The following ATP2C2 variants were observed in gnomAD, a reference collection of about 807,000 sequenced individuals.
ATP2C2 encodes ATPase secretory pathway Ca2+ transporting 2, also known as calcium-transporting ATPase type 2C member 2.
A neutral mutation model predicts 110.8 loss-of-function variants in ATP2C2; 171 were observed. The ratio of observed to expected loss-of-function variants is 1.54; its 90% confidence interval spans 1.36 to 1.75. The LOEUF is 1.75. Among genes scored for constraint, ATP2C2 ranks in the 40% most tolerant of loss-of-function variants. The pLI, the probability that ATP2C2 is intolerant of heterozygous loss-of-function variation, is 0.00. For synonymous variants in ATP2C2, 804 were observed against 508.4 expected (o/e 1.58, Z -7.82); for missense variants, 1,963 against 1,235.0 (o/e 1.59, Z -8.84).
rs1567740823 is a variant in ATP2C2, at chr16:84,453,383, A to AAGGC, written c.1980+18_1980+21dup. 6.2e-7 allele frequency: 1 copy of AAGGC among 1,614,120 alleles called. No homozygotes were observed. The highest frequency in any genetic ancestry group is 1.1e-5 in the South Asian group (1 of 91,072). ...TCAAAATCATCAAGGTTCGCTGGGC[A>AAGGC]AGGCAGGCACAGGCTGCGCTGCTGG... On this transcript the variant is annotated intron_variant, in intron 20 of 26. Coordinates refer to ENST00000262429, the MANE Select transcript of ATP2C2 (RefSeq NM_014861.4).
intron 17 of ATP2C2, 75 bp from the exon 18 acceptor site, chr16:84,451,846 C>G (rs932686140): frequency 1.5e-5 from 21 of 1,416,770 alleles, no homozygotes; most frequent in African/African-American, 8.7e-5. Flanking sequence ...TAAAAAACAA[C>G]AACAACAACC....
chr16:84,422,271 G>A (rs920302245), intron 7 of ATP2C2, 119 bp from the exon 8 acceptor site: 2 of 1,230,012 alleles, frequency 1.6e-6, no homozygotes, highest in Non-Finnish European at 2.3e-6. Context: ...CACTCATTCT[G>A]TAGGTTCACT....
In ATP2C2 at chr16:84,386,856, C is replaced by G. The variant is rs181621679; in HGVS notation, c.100-11643C>G. The stretch of plus-strand genomic sequence containing the variant: ...TGGGGGTAGCTAGACCAGGCCGAGT[C>G]TGGGCCTGGTGATGCCTCCTCTACC... On this transcript the variant is annotated intron_variant, in intron 1 of 26. Transcript: ENST00000262429. Among the ~76,000 whole-genome samples, 8 of 152,294 alleles carry G rather than the reference C, an allele frequency of 5.3e-5. No individual in the cohort carries two copies. The East Asian group carries it at 1.5e-3, about 29-fold the overall frequency.
intron 11 of ATP2C2, among the ~76,000 whole-genome samples, chr16:84,438,381 C>G (rs973718898): frequency 2.6e-5 from 4 of 152,180 alleles, no homozygotes; most frequent in African/African-American, 9.7e-5. Context: ...TGGGGCCAGT[C>G]AGCCCCGATG....
At position 84,454,908 on chromosome 16, in the gene ATP2C2, A is replaced by G. The variant is rs774740584; in HGVS notation, c.2071A>G (p.Met691Val). The G allele has an allele frequency of 8.1e-6, 13 of 1,613,946 alleles. No homozygotes were observed. Among genetic ancestry groups the G allele is most frequent in the African/African-American group, 4.0e-5 (3 of 74,930 alleles). Residue 691 changes from methionine to valine, a missense_variant, in exon 21 of 27, where the codon ATG becomes GTG. Coordinates refer to ENST00000262429, the MANE Select transcript of ATP2C2 (RefSeq NM_014861.4). ...ALKSADIGIA[M>V]GQTGTDVSKE... is the part of the protein sequence containing the mutation. The stretch of plus-strand genomic sequence containing the variant: ...GAAGTCTGCAGACATTGGGATCGCC[A>G]TGGGGCAGACAGGGACGGACGTCAG...
At chr16:84,398,073 A>G (rs778292911) in intron 1 of ATP2C2, among the ~76,000 whole-genome samples, 8 of 151,804 alleles carry the variant, frequency 5.3e-5, no homozygotes, top group Non-Finnish European at 7.3e-5. Flanking sequence ...AGCTGTACAC[A>G]TATGCACACT....
At chr16:84,454,002 G>A (rs755424901) in intron 20 of ATP2C2, among the ~76,000 whole-genome samples, 5 of 152,104 alleles carry the variant, frequency 3.3e-5, no homozygotes, top group Non-Finnish European at 5.9e-5. Flanking sequence ...CAGCACACCC[G>A]GCTAATGTTT....
chr16:84,452,126 G>C (rs768778478), intron 18 of ATP2C2, 35 bp downstream of exon 18: 17 of 1,612,284 alleles, frequency 1.1e-5, no homozygotes, highest in East Asian at 8.9e-5. Context: ...AGGACGAAAG[G>C]ACCCATCCAT....
At chr16:84,451,861 AC>A in intron 17 of ATP2C2, 59 bp from the exon 18 acceptor site, 1 of 1,507,204 alleles carries the variant, frequency 6.6e-7, no homozygotes, top group Non-Finnish European at 9.0e-7. Flanking sequence ...ACAACCAACA[AC>A]AAAAAACGAC....
At chr16:84,449,987 G>A (rs868475630) in intron 17 of ATP2C2, among the ~76,000 whole-genome samples, 5 of 152,228 alleles carry the variant, frequency 3.3e-5, no homozygotes, top group African/African-American at 9.6e-5. Flanking sequence ...CAGAGGAGCC[G>A]GCCCAGGTGA....
intron 11 of ATP2C2, among the ~76,000 whole-genome samples, chr16:84,427,007 CG>C (rs953660578): frequency 2.4e-4 from 37 of 152,070 alleles, no homozygotes; most frequent in Admixed American, 1.9e-3. Flanking sequence ...AAGCAGAGGC[CG>C]GGGATTGTCA....
At chr16:84,423,654 A>G (rs1307366594) in intron 10 of ATP2C2, among the ~76,000 whole-genome samples, 2 of 152,200 alleles carry the variant, frequency 1.3e-5, no homozygotes, top group Non-Finnish European at 1.5e-5. Context: ...TTCAGCCAGC[A>G]GATGGTGAAA....
chr16:84,393,419 T>C (rs1015287583), intron 1 of ATP2C2, among the ~76,000 whole-genome samples: 4 of 152,086 alleles, frequency 2.6e-5, no homozygotes, highest in African/African-American at 9.7e-5. Context: ...GAGACTGGAC[T>C]GAGGCAGAGC....
chr16:84,454,144 C>T (rs529141096), intron 20 of ATP2C2, among the ~76,000 whole-genome samples: 4 of 150,212 alleles, frequency 2.7e-5, no homozygotes, highest in South Asian at 2.3e-4. Context: ...TACTCAACTC[C>T]GTGCCTCCGT....
At chr16:84,387,883 C>A (rs967608259) in intron 1 of ATP2C2, among the ~76,000 whole-genome samples, 7 of 150,272 alleles carry the variant, frequency 4.7e-5, no homozygotes, top group African/African-American at 1.2e-4. Context: ...GCCCAGGAGT[C>A]CAAGGCCAGC....
rs777057280 is a variant in ATP2C2 at position 84,442,589 on chromosome 16, T to C, written c.1391T>C (p.Leu464Pro). The C allele has an allele frequency of 2.5e-6, 4 of 1,613,848 alleles. No homozygotes were observed. In the African/African-American group the frequency reaches 4.0e-5, roughly 16 times the overall value. The change falls in exon 15 of 27, where the codon CTG (leucine) becomes CCG (proline). Residue 464 changes from leucine (L) to proline (P), a missense_variant. By Grantham distance (98) the Leu-to-Pro change is moderately conservative (BLOSUM62 -3). Transcript: ENST00000262429. ...GQPTEGALMA[L>P]AMKMDLSDIK... is the part of the protein sequence containing the mutation. ...CCCACCGAGGGTGCATTGATGGCCCTGGCGATGAAGGTAGGAGGTCCTGGG... is the reference window on the plus strand; with the variant it reads ...CCCACCGAGGGTGCATTGATGGCCCCGGCGATGAAGGTAGGAGGTCCTGGG...
chr16:84,416,061 C>G (rs944249239), intron 7 of ATP2C2, among the ~76,000 whole-genome samples: 4 of 152,218 alleles, frequency 2.6e-5, no homozygotes, highest in Admixed American at 6.5e-5. Context: ...GTAGTCCCAG[C>G]TACTCAGGAG....
intron 10 of ATP2C2, among the ~76,000 whole-genome samples, chr16:84,423,931 T>G (rs1907576181): frequency 1.3e-5 from 2 of 152,232 alleles, no homozygotes; most frequent in African/African-American, 2.4e-5. Context: ...TCTTAAGGCT[T>G]GACATCCCCA....
chr16:84,405,930 A>G (rs1343720837), intron 3 of ATP2C2, among the ~76,000 whole-genome samples: 10 of 152,218 alleles, frequency 6.6e-5, no homozygotes, highest in Admixed American at 6.5e-4. Flanking sequence ...CACAACAACA[A>G]CAAAACCAAA....
Sources: allele counts gnomAD v4.1 joint callset (sites outside exome capture counted in the v4.1 genomes callset), GRCh38; gene constraint gnomAD v4.1.1; transcripts MANE v1.5; gene names NCBI Gene and HGNC (gene_info 2026-07-23, HGNC 2026-07-21).